Variants in PPARD observed in about 807,000 individuals in gnomAD.
The protein encoded by PPARD is peroxisome proliferator activated receptor delta.
PPARD carries 6 observed loss-of-function variants against 39.5 expected under a neutral mutation model. That is an observed-to-expected ratio of 0.15 (90% CI 0.08 to 0.30). The LOEUF is 0.30. Among genes scored for constraint, PPARD ranks in the 10% least tolerant of loss-of-function variants. PPARD has a pLI of 1.00. For missense variants in PPARD, 397 were observed against 596.8 expected (o/e 0.67, Z 3.49); for synonymous variants, 210 against 231.3 (o/e 0.91, Z 0.83).
At chr6:35,404,748 G>T (rs539256460) in intron 2 of PPARD, among the ~76,000 whole-genome samples, 7 of 152,308 alleles carry the variant, frequency 4.6e-5, no homozygotes, top group Admixed American at 2.6e-4. Context: ...AGTTGCTCTG[G>T]CCCCAGACCA....
intron 2 of PPARD, among the ~76,000 whole-genome samples, chr6:35,381,424 A>G (rs1763149215): frequency 6.6e-6 from 1 of 152,168 alleles, no homozygotes; most frequent in Non-Finnish European, 1.5e-5. Flanking sequence ...CAGTGGCTTA[A>G]ACCAGTAGAA....
chr6:35,398,197 C>A lies in PPARD; in HGVS notation c.-101-12790C>A, dbSNP rs1764466695. ...TTGTATTTTAGAAGGATCACTTTGA[C>A]TGCTGTACAGAGAGTGGGTGGTGAG... On this transcript the variant is annotated intron_variant, in intron 2 of 7. Transcript: ENST00000360694. Among the ~76,000 whole-genome samples the A allele has an allele frequency of 2.0e-5, 3 of 152,112 alleles. No individual in the cohort carries two copies. The South Asian group carries it at 6.2e-4, about 32-fold the overall frequency.
intron 2 of PPARD, among the ~76,000 whole-genome samples, chr6:35,395,037 C>T (rs535782872): frequency 3.8e-4 from 58 of 152,200 alleles, no homozygotes; most frequent in African/African-American, 1.3e-3. Context: ...TGTCATATAA[C>T]TCAGCACTAA....
At chr6:35,365,103 A>T (rs1023950935) in intron 2 of PPARD, among the ~76,000 whole-genome samples, 4 of 149,206 alleles carry the variant, frequency 2.7e-5, no homozygotes, top group African/African-American at 9.9e-5. Context: ...CCATCTTTGC[A>T]TACCAGACAT....
At chr6:35,409,210 T>G (rs1765265000) in intron 2 of PPARD, among the ~76,000 whole-genome samples, 1 of 152,160 alleles carries the variant, frequency 6.6e-6, no homozygotes. Flanking sequence ...TATTATAATT[T>G]AAATTATTTT....
chr6:35,367,461 C>T (rs931209413), intron 2 of PPARD, among the ~76,000 whole-genome samples: 8 of 152,310 alleles, frequency 5.3e-5, no homozygotes, highest in Admixed American at 3.9e-4. Flanking sequence ...TCACACAACC[C>T]TATTCAGGTT....
intron 2 of PPARD, among the ~76,000 whole-genome samples, chr6:35,378,119 C>A (rs1762925332): frequency 6.6e-6 from 1 of 152,084 alleles, no homozygotes; most frequent in Admixed American, 6.6e-5. Flanking sequence ...GCCTCGGCCT[C>A]CCAAAGTGCT....
intron 2 of PPARD, chr6:35,397,488 T>G: frequency 1.0e-6 from 1 of 973,394 alleles, no homozygotes; most frequent in African/African-American, 1.8e-5. Flanking sequence ...GATAAGCTCC[T>G]CCTTTGAAGG....
chr6:35,419,636 T>C (rs1766009646), intron 3 of PPARD, among the ~76,000 whole-genome samples: 1 of 152,198 alleles, frequency 6.6e-6, no homozygotes, highest in South Asian at 2.1e-4. Flanking sequence ...TGGGGGATGG[T>C]GGGGAGGCTA....
At chr6:35,362,053 G>T (rs1761949836) in intron 2 of PPARD, among the ~76,000 whole-genome samples, 1 of 152,092 alleles carries the variant, frequency 6.6e-6, no homozygotes, top group South Asian at 2.1e-4. Context: ...GCACTGAGGA[G>T]AAAAAAGTAA....
intron 3 of PPARD, among the ~76,000 whole-genome samples, chr6:35,414,886 C>T (rs1233712159): frequency 1.3e-5 from 2 of 152,132 alleles, no homozygotes; most frequent in East Asian, 3.9e-4. Context: ...AGCTCAACAC[C>T]TGCCATGCAC....
At chr6:35,361,609 C>A (rs905337093) in intron 2 of PPARD, among the ~76,000 whole-genome samples, 2 of 152,228 alleles carry the variant, frequency 1.3e-5, no homozygotes, top group African/African-American at 4.8e-5. Flanking sequence ...GTTTGTGGAG[C>A]CCCACAGGGT....
chr6:35,351,386 T>C (rs1249595829), intron 2 of PPARD, among the ~76,000 whole-genome samples: 8 of 152,206 alleles, frequency 5.3e-5, no homozygotes, highest in Admixed American at 5.2e-4. Context: ...TTAGAAGTTA[T>C]AATAGGCCGG....
chr6:35,389,761 TAAA>T (rs1023869160), intron 2 of PPARD, among the ~76,000 whole-genome samples: 2 of 152,084 alleles, frequency 1.3e-5, no homozygotes, highest in African/African-American at 4.8e-5. Flanking sequence ...TTCCCCAAAA[TAAA>T]GAAGTAAAAT....
intron 2 of PPARD, among the ~76,000 whole-genome samples, chr6:35,394,634 G>A (rs528865983): frequency 1.3e-5 from 2 of 151,922 alleles, no homozygotes; most frequent in African/African-American, 4.8e-5. Context: ...ATCTGGGTGT[G>A]GTGGTGCGTA....
intron 2 of PPARD, among the ~76,000 whole-genome samples, chr6:35,353,275 A>G (rs1321440872): frequency 6.6e-6 from 1 of 152,348 alleles, no homozygotes; most frequent in East Asian, 1.9e-4. Flanking sequence ...GAATGGAGAT[A>G]GAGAGGATAG....
At chr6:35,346,025 C>T (rs556053843) in intron 1 of PPARD, among the ~76,000 whole-genome samples, 48 of 152,102 alleles carry the variant, frequency 3.2e-4, no homozygotes, top group Middle Eastern at 6.8e-3. Context: ...TACAGGCGCC[C>T]GCCACCACGC....
At chr6:35,384,261 G>A (rs1212655406) in intron 2 of PPARD, among the ~76,000 whole-genome samples, 1 of 136,764 alleles carries the variant, frequency 7.3e-6, no homozygotes, top group Non-Finnish European at 1.6e-5. Context: ...AGGGAGGGAG[G>A]TAGGTTCAGC....
chr6:35,403,201 C>G, intron 2 of PPARD, among the ~76,000 whole-genome samples: 1 of 152,216 alleles, frequency 6.6e-6, no homozygotes, highest in Non-Finnish European at 1.5e-5. Context: ...GGAATATCAC[C>G]ATACAATCCC....
Sources: gnomAD v4.1 joint callset for allele counts (sites outside exome capture counted in the v4.1 genomes callset) on GRCh38, gnomAD v4.1.1 for gene constraint, MANE v1.5 for transcripts, NCBI Gene and HGNC (gene_info 2026-07-23, HGNC 2026-07-21) for gene names.